The following IKZF3 variants were observed in gnomAD, a reference collection of about 807,000 sequenced individuals.
The protein encoded by IKZF3 is zinc finger protein Aiolos.
Under a neutral mutation model 49.0 loss-of-function variants are expected in IKZF3, and 10 were observed. The observed-to-expected ratio is 0.20, with a 90% CI of 0.13 to 0.35. IKZF3 has a LOEUF of 0.35. Among genes scored for constraint, IKZF3 ranks in the 10% least tolerant of loss-of-function variants. IKZF3 has a pLI of 1.00. For synonymous variants in IKZF3, 209 were observed against 228.2 expected (o/e 0.92, Z 0.76); for missense variants, 498 against 664.8 (o/e 0.75, Z 2.76).
chr17:39,839,924 G>A (rs1488515220), intron 1 of IKZF3, among the ~76,000 whole-genome samples: 1 of 152,146 alleles, frequency 6.6e-6, no homozygotes, highest in Non-Finnish European at 1.5e-5. Context: ...GCCTCCCAAA[G>A]TGCTAGGGTT....
In IKZF3 at chr17:39,761,340, G is replaced by A. The variant is rs1403066624; in HGVS notation, c.*4450C>T. The A allele has an allele frequency of 6.6e-6, 1 of 151,950 alleles. No individual in the cohort carries two copies. The highest frequency in any genetic ancestry group is 1.5e-5 in the Non-Finnish European group (1 of 68,002). 9.4% of individuals were successfully genotyped at this position (151,950 alleles called of 1,614,324 possible). A position where few individuals can be genotyped will look rare whatever the true frequency, so the allele number is the denominator to read the frequency against. ...TCTCTTTTTTTTTTCTGGTGGTAGT[G>A]GTGGGGGCTCACGGGAGAGACACTT... On this transcript the variant is annotated 3_prime_UTR_variant, in exon 8 of 8. Transcript: ENST00000346872.
chr17:39,853,417 AC>A, intron 1 of IKZF3, among the ~76,000 whole-genome samples: 1 of 152,354 alleles, frequency 6.6e-6, no homozygotes, highest in African/African-American at 2.4e-5. Flanking sequence ...ACAATAAAAA[AC>A]ATACGTTAAG....
chr17:39,772,874 G>A (rs749746168), intron 7 of IKZF3, among the ~76,000 whole-genome samples: 10 of 152,108 alleles, frequency 6.6e-5, no homozygotes, highest in Non-Finnish European at 1.5e-4. Flanking sequence ...TGCCCAAGCT[G>A]GTGCGATCTC....
intron 1 of IKZF3, among the ~76,000 whole-genome samples, chr17:39,863,639 T>C (rs536280860): frequency 6.6e-6 from 1 of 152,330 alleles, no homozygotes; most frequent in East Asian, 1.9e-4. Context: ...GAAGACTCAT[T>C]AGAAGATCGA....
At position 39,850,729 on chromosome 17, in the gene IKZF3, T is replaced by C. The variant is rs1259132431; in HGVS notation, c.7+13391A>G. Among the ~76,000 whole-genome samples, 4 of 24,914 alleles carry C rather than the reference T, an allele frequency of 1.6e-4. No homozygotes were observed. The East Asian group carries it at 2.9e-3, about 18-fold the overall frequency. The allele number at this position is 24,914 out of a possible 152,430, so 16.3% of individuals were successfully genotyped here. On this transcript the variant is annotated intron_variant, in intron 1 of 7. Coordinates refer to ENST00000346872, the MANE Select transcript of IKZF3 (RefSeq NM_012481.5). The stretch of plus-strand genomic sequence containing the variant: ...ATATAATACATTATATATATACATA[T>C]ATAATAGGCTATATAGTATATATAC...
intron 3 of IKZF3, among the ~76,000 whole-genome samples, chr17:39,807,544 ATT>A (rs890371023): frequency 0.013 from 1,080 of 80,730 alleles, 3 homozygotes; most frequent in African/African-American, 0.053. Context: ...GACTATTTAA[ATT>A]TTTTTTTTTT....
At chr17:39,851,176 T>C (rs1474900438) in intron 1 of IKZF3, among the ~76,000 whole-genome samples, 1 of 151,282 alleles carries the variant, frequency 6.6e-6, no homozygotes, top group Non-Finnish European at 1.5e-5. Context: ...CAGGAGCACA[T>C]GACTAGGCCT....
At chr17:39,853,650 T>C (rs2062947884) in intron 1 of IKZF3, among the ~76,000 whole-genome samples, 1 of 150,458 alleles carries the variant, frequency 6.6e-6, no homozygotes. Flanking sequence ...AGCCTGACCA[T>C]CATGGAGAAA....
chr17:39,766,395 T>G lies in IKZF3; in HGVS notation c.925A>C (p.Asn309His). The change falls in exon 8 of 8, where the codon AAT (asparagine) becomes CAT (histidine). Residue 309 changes from asparagine (N) to histidine (H), a missense_variant. Around this residue, in one of 3 missense-constraint regions of IKZF3, gnomAD observed 317 missense variants for 397.3 expected, o/e 0.80. Coordinates refer to ENST00000346872, the MANE Select transcript of IKZF3 (RefSeq NM_012481.5). ...IQTRMMDQAI[N>H]NAISYLGAEA... The stretch of plus-strand genomic sequence containing the variant: ...GCGCCAAGATAGCTGATGGCGTTAT[T>G]GATGGCTTGGTCCATCATGCGGGTC... 2 of 1,614,216 alleles carry G rather than the reference T, an allele frequency of 1.2e-6. No individual in the cohort carries two copies. Among genetic ancestry groups the G allele is most frequent in the Non-Finnish European group, 8.5e-7 (1 of 1,180,030 alleles).
chr17:39,818,009 T>G (rs1037566384), intron 3 of IKZF3, among the ~76,000 whole-genome samples: 6 of 152,200 alleles, frequency 3.9e-5, no homozygotes, highest in Non-Finnish European at 5.9e-5. Flanking sequence ...TAGAGCACAC[T>G]GTATTTATAC....
chr17:39,807,896 C>CTACA (rs1344509371), intron 3 of IKZF3, among the ~76,000 whole-genome samples: 1 of 152,004 alleles, frequency 6.6e-6, no homozygotes, highest in Non-Finnish European at 1.5e-5. Flanking sequence ...TGGGGATCAA[C>CTACA]TACAAACAAG....
At chr17:39,863,863 A>G (rs2063286218) in intron 1 of IKZF3, among the ~76,000 whole-genome samples, 1 of 152,190 alleles carries the variant, frequency 6.6e-6, no homozygotes, top group Non-Finnish European at 1.5e-5. Context: ...CTGCAGATGT[A>G]GGGTAGACCC....
chr17:39,790,574 A>G (rs1429093183), intron 5 of IKZF3, among the ~76,000 whole-genome samples: 3 of 152,174 alleles, frequency 2.0e-5, no homozygotes, highest in Non-Finnish European at 4.4e-5. Context: ...TCCAATTAAA[A>G]TTTTGCCAGA....
At chr17:39,773,483 T>A (rs1376584131) in intron 7 of IKZF3, among the ~76,000 whole-genome samples, 1 of 152,244 alleles carries the variant, frequency 6.6e-6, no homozygotes, top group Admixed American at 6.5e-5. Context: ...TCTCATTAGT[T>A]ACTTCACAGG....
chr17:39,779,665 T>TA (rs1555627941), intron 6 of IKZF3, among the ~76,000 whole-genome samples: 1 of 150,758 alleles, frequency 6.6e-6, no homozygotes, highest in Non-Finnish European at 1.5e-5. Flanking sequence ...TTTTTTTTTT[T>TA]CTGTTCCACG....
chr17:39,770,706 CA>C (rs2060415904), intron 7 of IKZF3, among the ~76,000 whole-genome samples: 1 of 151,444 alleles, frequency 6.6e-6, no homozygotes, highest in African/African-American at 2.4e-5. Context: ...ACAATAATCC[CA>C]ATAATGATAA....
chr17:39,799,242 A>G (rs2061256035), intron 3 of IKZF3, among the ~76,000 whole-genome samples: 1 of 152,158 alleles, frequency 6.6e-6, no homozygotes, highest in African/African-American at 2.4e-5. Context: ...CATAAAGTAG[A>G]CATCCCATAA....
intron 6 of IKZF3, among the ~76,000 whole-genome samples, chr17:39,780,040 A>C (rs1322373485): frequency 6.6e-6 from 1 of 152,092 alleles, no homozygotes; most frequent in African/African-American, 2.4e-5. Flanking sequence ...TCCTACAAAA[A>C]GTAATTTTAA....
intron 1 of IKZF3, among the ~76,000 whole-genome samples, chr17:39,849,855 C>A (rs2062746093): frequency 6.6e-6 from 1 of 151,676 alleles, no homozygotes; most frequent in East Asian, 1.9e-4. Flanking sequence ...ATTAAAAAGA[C>A]TGATAATAGC....
Sources: allele counts gnomAD v4.1 joint callset (sites outside exome capture counted in the v4.1 genomes callset), GRCh38; gene constraint gnomAD v4.1.1; regional missense constraint gnomAD v4.1.1; transcripts MANE v1.5; gene names NCBI Gene and HGNC (gene_info 2026-07-23, HGNC 2026-07-21).